The following RAVER2 variants were observed in gnomAD, a reference collection of about 807,000 sequenced individuals.
RAVER2 encodes the protein ribonucleoprotein PTB-binding 2.
Under a neutral mutation model 78.1 loss-of-function variants are expected in RAVER2, and 46 were observed. The observed-to-expected ratio is 0.59, with a 90% CI of 0.46 to 0.75. The LOEUF is 0.75. Among genes scored for constraint, RAVER2 ranks in the 30% least tolerant of loss-of-function variants. RAVER2 has a pLI of 0.00. For synonymous variants in RAVER2, 311 were observed against 313.3 expected, an observed-to-expected ratio of 0.99 and a Z score of 0.08; for missense variants, 793 against 837.5, an observed-to-expected ratio of 0.95 and a Z score of 0.66.
At chr1:64,803,722 A>G (rs1178716210) in intron 6 of RAVER2, among the ~76,000 whole-genome samples, 1 of 152,122 alleles carries the variant, frequency 6.6e-6, no homozygotes, top group African/African-American at 2.4e-5. Context: ...TACATTATAG[A>G]GTTTTTATTC....
intron 5 of RAVER2, among the ~76,000 whole-genome samples, chr1:64,795,000 T>C (rs1653057525): frequency 6.6e-6 from 1 of 152,108 alleles, no homozygotes; most frequent in Admixed American, 6.5e-5. Context: ...GTTTGTAGTA[T>C]GAGGTAAGAG....
chr1:64,781,721 A>C (rs1652635477), intron 4 of RAVER2, 150 bp downstream of exon 4: 1 of 831,428 alleles, frequency 1.2e-6, no homozygotes, highest in African/African-American at 1.7e-5. Flanking sequence ...TTTTTAAAAA[A>C]GGTTAGCTAA....
At chr1:64,746,699 C>G (rs1651547281) in intron 1 of RAVER2, among the ~76,000 whole-genome samples, 1 of 152,196 alleles carries the variant, frequency 6.6e-6, no homozygotes, top group Non-Finnish European at 1.5e-5. Context: ...TGTCTTTCAA[C>G]TCTTTCCATT....
chr1:64,775,652 GAAA>G (rs1652440248), intron 2 of RAVER2, among the ~76,000 whole-genome samples: 1 of 152,186 alleles, frequency 6.6e-6, no homozygotes. Flanking sequence ...GAGTGGAGGA[GAAA>G]GAGCTAGCAA....
intron 1 of RAVER2, among the ~76,000 whole-genome samples, chr1:64,761,577 A>G (rs1652022687): frequency 1.3e-5 from 2 of 152,212 alleles, no homozygotes; most frequent in African/African-American, 4.8e-5. Context: ...TCAGACATAA[A>G]GATTATCTAG....
chr1:64,807,318 G>T (rs192230064), exon 9 of RAVER2: 7 of 1,614,012 alleles, frequency 4.3e-6, no homozygotes, highest in Middle Eastern at 1.6e-4. Flanking sequence ...GTAATACTCA[G>T]GAGAAACAGC....
At chr1:64,776,626 C>T (rs1282973925) in intron 2 of RAVER2, among the ~76,000 whole-genome samples, 2 of 152,098 alleles carry the variant, frequency 1.3e-5, no homozygotes, top group African/African-American at 4.8e-5. Flanking sequence ...TATGGAGTAA[C>T]TTCACTATAT....
intron 5 of RAVER2, 51 bp downstream of exon 5, chr1:64,789,565 T>A (rs755798134): frequency 7.5e-7 from 1 of 1,339,488 alleles, no homozygotes; most frequent in South Asian, 2.3e-5. Context: ...AGCATGAAGT[T>A]AATTTTTTCA....
At chr1:64,814,835 G>A (rs1653716454) in exon 11 of RAVER2, 1 of 1,567,030 alleles carries the variant, frequency 6.4e-7, no homozygotes, top group Non-Finnish European at 8.7e-7. Context: ...TGGTGATTAT[G>A]CACAGGTAAA....
chr1:64,780,957 A>G (rs543505758), intron 3 of RAVER2, among the ~76,000 whole-genome samples: 2 of 152,336 alleles, frequency 1.3e-5, no homozygotes, highest in African/African-American at 4.8e-5. Flanking sequence ...CCTTCTCTTG[A>G]TAATACTAAC....
Position 64,781,665 on chromosome 1 carries a change from G to A in RAVER2, c.978+94G>A, listed in dbSNP as rs796150650. The stretch of plus-strand genomic sequence containing the variant: ...AGTCTAGCCAAAGTAATTGATTGTC[G>A]ATTGCACCATCATTGCATTTCCATC... On this transcript the variant is annotated intron_variant, in intron 4 of 11. Transcript: ENST00000294428. 3.2e-5 allele frequency: 38 copies of A among 1,181,166 alleles called. No individual in the cohort carries two copies. The African/African-American group carries it at 4.1e-4, about 13-fold the overall frequency. The allele number at this position is 1,181,166 out of a possible 1,614,324, so 73.2% of individuals were successfully genotyped here. A position where few individuals can be genotyped will look rare whatever the true frequency, so the allele number is the denominator to read the frequency against.
chr1:64,758,541 A>C (rs749188204), intron 1 of RAVER2, among the ~76,000 whole-genome samples: 4 of 152,188 alleles, frequency 2.6e-5, no homozygotes, highest in Non-Finnish European at 5.9e-5. Context: ...TGGAGTGGGC[A>C]TGGGCAAGGA....
At chr1:64,779,868 C>T (rs1167543364) in intron 3 of RAVER2, among the ~76,000 whole-genome samples, 1 of 151,436 alleles carries the variant, frequency 6.6e-6, no homozygotes, top group Non-Finnish European at 1.5e-5. Flanking sequence ...TTTGAGTGAC[C>T]ATTTAGCTTC....
rs1654169268 is a variant in RAVER2, at chr1:64,832,334, G to A, written c.*1349G>A. 3 of 152,478 alleles carry A rather than the reference G, an allele frequency of 2.0e-5. No homozygotes were observed. In the South Asian group the frequency reaches 6.2e-4, roughly 32 times the overall value. The allele number at this position is 152,478 out of a possible 1,614,324, so 9.4% of individuals were successfully genotyped here. On this transcript the variant is annotated 3_prime_UTR_variant, in exon 12 of 12. Transcript: ENST00000294428. ...GATAGTGTGTTAGGGTGAAAAATCA[G>A]TTATTTAACCCAATTTACTTGTGAA... is the stretch of plus-strand genomic sequence containing the variant.
intron 10 of RAVER2, 91 bp from the exon 11 acceptor site, chr1:64,814,613 A>G (rs1653708513): frequency 2.9e-6 from 2 of 687,974 alleles, no homozygotes; most frequent in South Asian, 1.4e-4. Flanking sequence ...AATATAACTT[A>G]TAATAAAATA....
chr1:64,821,250 GGTT>G (rs1184132058), intron 11 of RAVER2, among the ~76,000 whole-genome samples: 1 of 151,960 alleles, frequency 6.6e-6, no homozygotes, highest in Non-Finnish European at 1.5e-5. Context: ...ACTTTAATGG[GGTT>G]GTTTTTTTCT....
At chr1:64,774,874 C>T (rs908008887) in intron 2 of RAVER2, among the ~76,000 whole-genome samples, 1 of 152,120 alleles carries the variant, frequency 6.6e-6, no homozygotes, top group African/African-American at 2.4e-5. Context: ...TGTAGTTTTC[C>T]TTGAAGGGGT....
chr1:64,779,061 A>G (rs1652554592), intron 3 of RAVER2, among the ~76,000 whole-genome samples: 1 of 150,650 alleles, frequency 6.6e-6, no homozygotes, highest in Non-Finnish European at 1.5e-5. Flanking sequence ...TTTGAAGTAT[A>G]TATACATTGT....
At chr1:64,777,441 A>G (rs1652496025) in intron 2 of RAVER2, among the ~76,000 whole-genome samples, 182 bp from the exon 3 acceptor site, 1 of 152,140 alleles carries the variant, frequency 6.6e-6, no homozygotes, top group Non-Finnish European at 1.5e-5. Flanking sequence ...AGCATTAAAA[A>G]ACGCACTGAA....
Sources: allele counts gnomAD v4.1 joint callset (sites outside exome capture counted in the v4.1 genomes callset), GRCh38; gene constraint gnomAD v4.1.1; transcripts MANE v1.5; gene names NCBI Gene and HGNC (gene_info 2026-07-23, HGNC 2026-07-21).